STON1: variants seen among roughly 807,000 people sequenced by gnomAD.
STON1 encodes the protein stonin 1.
In STON1, 79 loss-of-function variants were observed where a neutral mutation model predicts 60.9. The ratio of observed to expected loss-of-function variants is 1.30; its 90% CI spans 1.08 to 1.56. The LOEUF is 1.56. STON1 is among the 40% of genes most tolerant of loss of function. The pLI, the probability that STON1 is intolerant of heterozygous loss-of-function variation, is 0.00. For synonymous variants in STON1, 363 were observed against 306.9 expected (o/e 1.18, Z -1.91); for missense variants, 1,166 against 858.9 (o/e 1.36, Z -4.47).
intron 1 of STON1, among the ~76,000 whole-genome samples, chr2:48,532,161 A>ATGAAATAGAG (rs1671237214): frequency 6.6e-6 from 1 of 152,036 alleles, no homozygotes; most frequent in Non-Finnish European, 1.5e-5. Flanking sequence ...CAGCCTGGCC[A>ATGAAATAGAG]ACCTGATGAA....
chr2:48,569,103 C>A (rs1673074335), intron 1 of STON1: 1 of 152,194 alleles, frequency 6.6e-6, no homozygotes, highest in South Asian at 2.1e-4. Context: ...AGCTTAACTC[C>A]TCCGAACTTA....
intron 1 of STON1, among the ~76,000 whole-genome samples, chr2:48,548,307 GA>G (rs1330467127): frequency 3.3e-5 from 5 of 152,168 alleles, no homozygotes; most frequent in African/African-American, 1.2e-4. Flanking sequence ...GGTGATGGGA[GA>G]CTTCCTTTCC....
At chr2:48,573,909 G>C (rs1673342606) in intron 1 of STON1, among the ~76,000 whole-genome samples, 1 of 152,218 alleles carries the variant, frequency 6.6e-6, no homozygotes, top group South Asian at 2.1e-4. Flanking sequence ...CTAGGTGAAA[G>C]AAGCCAGACA....
At chr2:48,570,936 C>T (rs923625096) in intron 1 of STON1, among the ~76,000 whole-genome samples, 1 of 140,196 alleles carries the variant, frequency 7.1e-6, no homozygotes. Flanking sequence ...GATCTTGGCT[C>T]ACTGCAACCT....
At chr2:48,531,454 G>A (rs1671208281) in intron 1 of STON1, 1 of 152,214 alleles carries the variant, frequency 6.6e-6, no homozygotes, top group African/African-American at 2.4e-5. Flanking sequence ...GTTCATTTGT[G>A]TGGTTTTTCT....
chr2:48,580,986 G>A lies in STON1; in HGVS notation c.353G>A (p.Gly118Glu). The change falls in exon 2 of 4, where the codon GGA (glycine) becomes GAA (glutamate). Residue 118 changes from glycine to glutamate, a missense_variant. Transcript: ENST00000404752. ...TCAGACAGCCCACTCGCAATATCAG[G>A]AGGAGAATCTTCCTTACTGCCTACC... ...SSSDSPLAIS[G>E]GESSLLPTRP... 1 of 1,575,940 alleles carries A rather than the reference G, an allele frequency of 6.3e-7. No homozygotes were observed. Among genetic ancestry groups the A allele is most frequent in the Non-Finnish European group, 8.6e-7 (1 of 1,164,182 alleles).
intron 1 of STON1, among the ~76,000 whole-genome samples, chr2:48,564,480 T>TTCTTCTTCTTCC (rs1558604783): frequency 3.1e-5 from 1 of 32,480 alleles, no homozygotes; most frequent in African/African-American, 1.2e-4. Flanking sequence ...CTTCTTCTTC[T>TTCTTCTTCTTCC]TTCTTCTTCT....
At chr2:48,586,574 A>T (rs1674219235) in intron 2 of STON1, among the ~76,000 whole-genome samples, 1 of 152,200 alleles carries the variant, frequency 6.6e-6, no homozygotes, top group African/African-American at 2.4e-5. Context: ...AAAGAAAGAA[A>T]CAGCAGAACC....
chr2:48,545,369 T>A (rs556861303), intron 1 of STON1, among the ~76,000 whole-genome samples: 109 of 152,292 alleles, frequency 7.2e-4, no homozygotes, highest in African/African-American at 2.5e-3. Flanking sequence ...CATATTCCCA[T>A]CTCTGCCAGA....
intron 2 of STON1, among the ~76,000 whole-genome samples, chr2:48,587,380 C>T (rs183860938): frequency 1.3e-5 from 2 of 152,308 alleles, no homozygotes; most frequent in Non-Finnish European, 2.9e-5. Flanking sequence ...GCAACCTCCA[C>T]CTCCTGTGTT....
chr2:48,564,705 T>C (rs1043238595), intron 1 of STON1, among the ~76,000 whole-genome samples: 3 of 145,802 alleles, frequency 2.1e-5, no homozygotes, highest in African/African-American at 5.1e-5. Flanking sequence ...TTCTTCTTCT[T>C]CCTTATTTCT....
At chr2:48,536,547 TAAAAAA>T (rs540312014) in intron 1 of STON1, among the ~76,000 whole-genome samples, 196 of 102,894 alleles carry the variant, frequency 1.9e-3, no homozygotes, top group African/African-American at 4.1e-3. Context: ...GATGCCATCT[TAAAAAA>T]AAAAAAAAAA....
chr2:48,581,139 A>C lies in STON1; in HGVS notation c.506A>C (p.Asp169Ala). Residue 169 changes from aspartate to alanine, a missense_variant, in exon 2 of 4, where the codon GAT becomes GCT. Coordinates refer to ENST00000404752, the MANE Select transcript of STON1 (RefSeq NM_006873.4). Reference protein sequence around the residue: ...QAESLGFQSDDLPQFQYFRED... With the variant: ...QAESLGFQSDALPQFQYFRED... ...GAAAGCCTAGGATTCCAAAGTGATG[A>C]TCTCCCCCAGTTTCAGTATTTTCGA... 6.3e-7 allele frequency: 1 copy of C among 1,578,776 alleles called. No homozygotes were observed. The highest frequency in any genetic ancestry group is 8.6e-7 in the Non-Finnish European group (1 of 1,168,466).
chr2:48,559,290 A>T (rs146457356), intron 1 of STON1, among the ~76,000 whole-genome samples: 1 of 152,202 alleles, frequency 6.6e-6, no homozygotes, highest in South Asian at 2.1e-4. Context: ...GTAGCTTATA[A>T]GAAGAGAAAT....
chr2:48,577,911 C>T (rs962930267), intron 1 of STON1, among the ~76,000 whole-genome samples: 7 of 150,938 alleles, frequency 4.6e-5, no homozygotes, highest in East Asian at 2.0e-4. Flanking sequence ...CCACCGAGCC[C>T]GGCCAAAAAA....
intron 2 of STON1, 121 bp from the exon 3 acceptor site, chr2:48,591,532 T>C: frequency 1.5e-6 from 2 of 1,327,256 alleles, no homozygotes; most frequent in Admixed American, 2.6e-5. Flanking sequence ...AAATGGAATT[T>C]GCACTGCTGC....
intron 1 of STON1, among the ~76,000 whole-genome samples, chr2:48,576,173 T>C (rs1340475287): frequency 6.8e-6 from 1 of 147,292 alleles, no homozygotes; most frequent in African/African-American, 2.5e-5. Context: ...CCAAGATTTG[T>C]TGTTTTCCTT....
Position 48,582,057 on chromosome 2 carries a change from C to T in STON1, c.1424C>T (p.Ser475Leu). 6.2e-7 allele frequency: 1 copy of T among 1,613,418 alleles called. No homozygotes were observed. Among genetic ancestry groups the T allele is most frequent in the Non-Finnish European group, 8.5e-7 (1 of 1,179,842 alleles). Residue 475 changes from serine (S) to leucine (L), a missense_variant, in exon 2 of 4, where the codon TCA becomes TTA. Ser to Leu is a moderately radical substitution (Grantham distance 145, BLOSUM62 -2). Coordinates refer to ENST00000404752, the MANE Select transcript of STON1 (RefSeq NM_006873.4). ...KRDESYYEKD[S>L]EKKGIDILDY... is the part of the protein sequence containing the mutation. The stretch of plus-strand genomic sequence containing the variant: ...GATGAATCCTATTATGAGAAGGACT[C>T]AGAAAAAAAGGGGATTGATATTCTT...
intron 1 of STON1, among the ~76,000 whole-genome samples, chr2:48,563,947 C>T (rs1672718297): frequency 6.6e-6 from 1 of 151,316 alleles, no homozygotes; most frequent in Admixed American, 6.6e-5. Context: ...GATCCACCCA[C>T]CTCAGCCCTC....
Sources: gnomAD v4.1 joint callset for allele counts (sites outside exome capture counted in the v4.1 genomes callset) on GRCh38, gnomAD v4.1.1 for gene constraint, MANE v1.5 for transcripts, NCBI Gene and HGNC (gene_info 2026-07-23, HGNC 2026-07-21) for gene names.